GRIK1: variants seen among roughly 807,000 people sequenced by gnomAD.
The protein encoded by GRIK1 is glutamate receptor ionotropic, kainate 1.
In GRIK1, 69 loss-of-function variants were observed where a neutral mutation model predicts 105.7. The observed-to-expected ratio is 0.65, with a 90% CI of 0.54 to 0.80. The LOEUF is 0.80. Among genes scored for constraint, GRIK1 ranks in the 30% least tolerant of loss-of-function variants. The pLI is 0.00. For missense variants in GRIK1, 1,109 were observed against 1,167.3 expected (o/e 0.95, Z 0.73); for synonymous variants, 438 against 431.3 (o/e 1.02, Z -0.19).
At chr21:29,740,316 C>T (rs894713889) in intron 1 of GRIK1, among the ~76,000 whole-genome samples, 15 of 151,730 alleles carry the variant, frequency 9.9e-5, no homozygotes, top group African/African-American at 3.1e-4. Context: ...CTCCAGGGTT[C>T]AAGCGATTCT....
chr21:29,655,753 CT>C (rs2062836111), intron 4 of GRIK1, among the ~76,000 whole-genome samples: 1 of 152,118 alleles, frequency 6.6e-6, no homozygotes, highest in African/African-American at 2.4e-5. Context: ...CAATTTCACA[CT>C]GTTTCTTCAT....
At chr21:29,899,798 C>T (rs973616743) in intron 1 of GRIK1, among the ~76,000 whole-genome samples, 1 of 152,062 alleles carries the variant, frequency 6.6e-6, no homozygotes, top group African/African-American at 2.4e-5. Flanking sequence ...GATGGACTTA[C>T]TCAGTTGAAC....
At chr21:29,717,074 T>G (rs1601521840) in intron 1 of GRIK1, among the ~76,000 whole-genome samples, 1 of 152,234 alleles carries the variant, frequency 6.6e-6, no homozygotes, top group Non-Finnish European at 1.5e-5. Context: ...CAAGCCTTGG[T>G]GGCTTACACA....
At chr21:29,690,126 C>CT in intron 2 of GRIK1, 141 bp from the exon 3 acceptor site, 2 of 688,902 alleles carry the variant, frequency 2.9e-6, no homozygotes, top group Non-Finnish European at 4.9e-6. Context: ...CAATCCCTGT[C>CT]TGCATATTGA....
chr21:29,644,163 A>C (rs905235794), intron 6 of GRIK1, among the ~76,000 whole-genome samples: 8 of 152,160 alleles, frequency 5.3e-5, no homozygotes, highest in African/African-American at 1.9e-4. Flanking sequence ...GGAGGTAGAA[A>C]GTGAGGACAG....
intron 3 of GRIK1, among the ~76,000 whole-genome samples, chr21:29,679,938 A>G (rs764706078): frequency 6.6e-6 from 1 of 152,200 alleles, no homozygotes; most frequent in Non-Finnish European, 1.5e-5. Flanking sequence ...TTTTCTTGAC[A>G]TTTGATTTAA....
rs376483269 is a variant in GRIK1, at chr21:29,546,984, G to A, written c.2607+8068C>T. Among the ~76,000 whole-genome samples the A allele has an allele frequency of 2.6e-5, 4 of 152,138 alleles. No individual in the cohort carries two copies. In the East Asian group the frequency reaches 7.7e-4, roughly 29 times the overall value. On this transcript the variant is annotated intron_variant, in intron 16 of 17. Transcript: ENST00000327783. ...TGTCTGTCTTTAGAAGAAACACTAAGTTACACTTACAGAATAGAGAGAGTC... is the reference window on the plus strand; with the variant it reads ...TGTCTGTCTTTAGAAGAAACACTAAATTACACTTACAGAATAGAGAGAGTC...
At chr21:29,848,072 A>G (rs2068181907) in intron 1 of GRIK1, among the ~76,000 whole-genome samples, 1 of 152,110 alleles carries the variant, frequency 6.6e-6, no homozygotes, top group Admixed American at 6.5e-5. Flanking sequence ...TATTATTAAA[A>G]GTTTTTTTCT....
At chr21:29,743,667 C>T (rs899737458) in intron 1 of GRIK1, among the ~76,000 whole-genome samples, 9 of 151,554 alleles carry the variant, frequency 5.9e-5, no homozygotes, top group South Asian at 2.1e-4. Flanking sequence ...TGCACTCTAG[C>T]GTGGGTGATA....
chr21:29,939,009 C>T (rs2071873530), intron 1 of GRIK1, among the ~76,000 whole-genome samples: 1 of 152,130 alleles, frequency 6.6e-6, no homozygotes, highest in South Asian at 2.1e-4. Context: ...TCTGGACTGC[C>T]AGACGCCCAC....
intron 14 of GRIK1, among the ~76,000 whole-genome samples, chr21:29,562,794 CAT>C (rs2090514781): frequency 6.6e-6 from 1 of 152,036 alleles, no homozygotes; most frequent in Non-Finnish European, 1.5e-5. Context: ...TGTCTTTTCT[CAT>C]ATTCTTCAGC....
chr21:29,586,974 CTTT>C (rs974756359), intron 12 of GRIK1, among the ~76,000 whole-genome samples: 16 of 152,160 alleles, frequency 1.1e-4, no homozygotes, highest in East Asian at 3.9e-4. Flanking sequence ...TCTTTGCTGA[CTTT>C]TTTATGTTTT....
At chr21:29,832,530 A>G (rs79334423) in intron 1 of GRIK1, among the ~76,000 whole-genome samples, 8,197 of 152,286 alleles carry the variant, frequency 0.054, 436 homozygotes, top group African/African-American at 0.15. Context: ...GCACAGCCAC[A>G]GGCTTAACAG....
At chr21:29,665,577 T>C (rs575846100) in intron 4 of GRIK1, among the ~76,000 whole-genome samples, 2 of 152,358 alleles carry the variant, frequency 1.3e-5, no homozygotes, top group South Asian at 4.1e-4. Context: ...TTAATTAATT[T>C]CCCATTTCTT....
chr21:29,680,989 C>T (rs1017072206), intron 3 of GRIK1, among the ~76,000 whole-genome samples: 13 of 151,924 alleles, frequency 8.6e-5, no homozygotes, highest in African/African-American at 3.1e-4. Flanking sequence ...AAAAATTAGC[C>T]GGGCGTGGTA....
In GRIK1 at chr21:29,577,135, C is replaced by T; in HGVS notation, c.1959G>A (p.Gly653=). Residue 653 remains glycine (G), a synonymous_variant, in exon 14 of 18, where the codon GGG becomes GGA. Coordinates refer to ENST00000327783, the MANE Select transcript of GRIK1 (RefSeq NM_001330994.2). The part of the protein sequence containing the change: ...PKALSTRIVG[G]IWWFFTLIII... ...TGATTAGGGTGAAAAACCACCATAT[C>T]CCTCCAACTATTCTGGTCGATAGAG... The T allele has an allele frequency of 6.2e-7, 1 of 1,612,412 alleles. No homozygotes were observed. Among genetic ancestry groups the T allele is most frequent in the Non-Finnish European group, 8.5e-7 (1 of 1,178,486 alleles).
intron 15 of GRIK1, 48 bp from the exon 16 acceptor site, chr21:29,555,350 A>G: frequency 6.5e-7 from 1 of 1,550,290 alleles, no homozygotes; most frequent in Non-Finnish European, 8.8e-7. Context: ...GTTGAAGAAG[A>G]CATCCAGAAG....
chr21:29,898,304 A>T (rs1420390503), intron 1 of GRIK1, among the ~76,000 whole-genome samples: 1 of 152,216 alleles, frequency 6.6e-6, no homozygotes, highest in Non-Finnish European at 1.5e-5. Context: ...CCTAAGTGCT[A>T]CGATGCCCTC....
At chr21:29,862,795 C>G (rs1177970344) in intron 1 of GRIK1, among the ~76,000 whole-genome samples, 1 of 152,148 alleles carries the variant, frequency 6.6e-6, no homozygotes, top group African/African-American at 2.4e-5. Context: ...GTCAAATGCC[C>G]CCTAGGCAGA....
Sources: allele counts gnomAD v4.1 joint callset (sites outside exome capture counted in the v4.1 genomes callset), GRCh38; gene constraint gnomAD v4.1.1; transcripts MANE v1.5; gene names NCBI Gene and HGNC (gene_info 2026-07-23, HGNC 2026-07-21).